The following ATXN1 variants were observed in gnomAD, a reference collection of about 807,000 sequenced individuals.
ATXN1 encodes the protein ataxin-1.
Under a neutral mutation model 56.4 loss-of-function variants are expected in ATXN1, and 8 were observed. The ratio of observed to expected loss-of-function variants is 0.14; its 90% CI spans 0.08 to 0.26. ATXN1 has a LOEUF of 0.26. Among genes scored for constraint, ATXN1 ranks in the 10% least tolerant of loss-of-function variants. The probability of loss-of-function intolerance (pLI) is 1.00; values close to 1 mark genes in which losing one functional copy is unlikely to be tolerated. For missense variants in ATXN1, 987 were observed against 1,106.5 expected, an observed-to-expected ratio of 0.89 and a Z score of 1.53; for synonymous variants, 514 against 494.6, an observed-to-expected ratio of 1.04 and a Z score of -0.52.
At chr6:16,356,770 G>A (rs539181901) in intron 6 of ATXN1, among the ~76,000 whole-genome samples, 15 of 152,234 alleles carry the variant, frequency 9.9e-5, no homozygotes, top group Middle Eastern at 3.4e-3. Context: ...TTTGGACCAC[G>A]TTTCTTTCCT....
intron 3 of ATXN1, among the ~76,000 whole-genome samples, chr6:16,617,436 A>G (rs1272511821): frequency 6.6e-6 from 1 of 152,168 alleles, no homozygotes; most frequent in Non-Finnish European, 1.5e-5. Context: ...AAAAAAATAT[A>G]TGAAAGAATC....
intron 6 of ATXN1, among the ~76,000 whole-genome samples, chr6:16,366,780 GAAAA>G (rs770284096): frequency 1.0e-5 from 1 of 98,460 alleles, no homozygotes. Context: ...GACTCTGTCT[GAAAA>G]AAAAAAAAAA....
At chr6:16,726,309 G>A (rs190140478) in intron 2 of ATXN1, among the ~76,000 whole-genome samples, 2 of 151,188 alleles carry the variant, frequency 1.3e-5, no homozygotes, top group East Asian at 2.0e-4. Context: ...GAACCCGGGG[G>A]AGCAGAGGCT....
At chr6:16,595,743 T>C (rs891608161) in intron 3 of ATXN1, among the ~76,000 whole-genome samples, 10 of 152,210 alleles carry the variant, frequency 6.6e-5, no homozygotes, top group African/African-American at 1.2e-4. Context: ...AAACGGAATG[T>C]TGACAGAGAG....
intron 7 of ATXN1, among the ~76,000 whole-genome samples, chr6:16,307,912 G>C (rs1455006415): frequency 6.6e-6 from 1 of 152,148 alleles, no homozygotes; most frequent in Non-Finnish European, 1.5e-5. Context: ...CCAGCACTTT[G>C]GGAGGCCAAG....
intron 2 of ATXN1, among the ~76,000 whole-genome samples, chr6:16,727,512 T>C (rs1261547369): frequency 6.6e-6 from 1 of 152,086 alleles, no homozygotes. Flanking sequence ...CTCTCTTAAG[T>C]ACTTATAAAA....
chr6:16,479,998 A>G (rs1760402258), intron 6 of ATXN1, among the ~76,000 whole-genome samples: 2 of 152,006 alleles, frequency 1.3e-5, no homozygotes, highest in Non-Finnish European at 1.5e-5. Context: ...CAAAAAATAC[A>G]AAAATTAGCC....
chr6:16,625,007 G>A (rs1243796073), intron 3 of ATXN1, among the ~76,000 whole-genome samples: 1 of 152,124 alleles, frequency 6.6e-6, no homozygotes, highest in Non-Finnish European at 1.5e-5. Flanking sequence ...CTAAGGTTCG[G>A]AGGACACTTT....
intron 6 of ATXN1, among the ~76,000 whole-genome samples, chr6:16,418,795 G>T (rs952380189): frequency 2.2e-5 from 3 of 138,678 alleles, no homozygotes; most frequent in Admixed American, 1.7e-4. Context: ...AATTCCCACC[G>T]CAATACTCCT....
intron 4 of ATXN1, among the ~76,000 whole-genome samples, chr6:16,577,781 A>G (rs1295989006): frequency 6.6e-6 from 1 of 151,340 alleles, no homozygotes; most frequent in Non-Finnish European, 1.5e-5. Flanking sequence ...AGCTCACTCC[A>G]TGCCATAAGA....
intron 5 of ATXN1, among the ~76,000 whole-genome samples, chr6:16,498,738 C>G (rs1196581358): frequency 6.6e-6 from 1 of 152,138 alleles, no homozygotes; most frequent in African/African-American, 2.4e-5. Context: ...GATTTGCATT[C>G]CCCTAAACAC....
chr6:16,736,605 G>A (rs1760143446), intron 2 of ATXN1, among the ~76,000 whole-genome samples: 1 of 152,080 alleles, frequency 6.6e-6, no homozygotes, highest in South Asian at 2.1e-4. Context: ...AAGAACAAAG[G>A]GAAATCCAAT....
At chr6:16,558,500 G>T (rs969763883) in intron 4 of ATXN1, among the ~76,000 whole-genome samples, 1 of 151,816 alleles carries the variant, frequency 6.6e-6, no homozygotes, top group Non-Finnish European at 1.5e-5. Context: ...TCAGCCTCCC[G>T]AGTACAAACA....
intron 6 of ATXN1, among the ~76,000 whole-genome samples, chr6:16,393,300 C>T (rs1758391775): frequency 6.6e-6 from 1 of 151,824 alleles, no homozygotes. Flanking sequence ...TGGGTTACAT[C>T]CATAGCTCAC....
intron 2 of ATXN1, among the ~76,000 whole-genome samples, chr6:16,712,411 T>C (rs535929808): frequency 6.6e-6 from 1 of 152,162 alleles, no homozygotes; most frequent in East Asian, 1.9e-4. Flanking sequence ...GAGAAACGCC[T>C]AAGGCAGGGG....
intron 6 of ATXN1, among the ~76,000 whole-genome samples, chr6:16,458,515 A>T (rs1759925637): frequency 6.6e-6 from 1 of 152,166 alleles, no homozygotes; most frequent in African/African-American, 2.4e-5. Flanking sequence ...GCCCTGAACA[A>T]AATCTGGAGG....
intron 2 of ATXN1, chr6:16,738,786 T>TA (rs1425158886): frequency 4.6e-5 from 7 of 152,234 alleles, no homozygotes; most frequent in Non-Finnish European, 7.3e-5. Flanking sequence ...AACAACCCTA[T>TA]AAGATATGTA....
intron 6 of ATXN1, among the ~76,000 whole-genome samples, chr6:16,434,129 C>T (rs1190312629): frequency 6.6e-6 from 1 of 152,176 alleles, no homozygotes; most frequent in East Asian, 1.9e-4. Flanking sequence ...TGTACAGAAA[C>T]ATGTGCACAC....
chr6:16,463,049 G>C (rs551160793), intron 6 of ATXN1, among the ~76,000 whole-genome samples: 1 of 152,068 alleles, frequency 6.6e-6, no homozygotes, highest in South Asian at 2.1e-4. Flanking sequence ...GTTCCTAGTA[G>C]ATACAAAACA....
Sources: allele counts gnomAD v4.1 joint callset (sites outside exome capture counted in the v4.1 genomes callset), GRCh38; gene constraint gnomAD v4.1.1; transcripts MANE v1.5; gene names NCBI Gene and HGNC (gene_info 2026-07-23, HGNC 2026-07-21).